Variants in ROBO1 observed in about 807,000 individuals in gnomAD.
ROBO1 encodes the protein roundabout guidance receptor 1, also known as roundabout homolog 1.
In ROBO1, 149 loss-of-function variants were observed where a neutral mutation model predicts 195.9. The ratio of observed to expected loss-of-function variants is 0.76; its 90% CI spans 0.67 to 0.87. The LOEUF is 0.87. Ranked by LOEUF, ROBO1 falls within the 40% of genes least tolerant of loss-of-function variation. The pLI is 0.00. For missense variants in ROBO1, 1,933 were observed against 2,068.3 expected, an observed-to-expected ratio of 0.93 and a Z score of 1.27; for synonymous variants, 816 against 733.2, an observed-to-expected ratio of 1.11 and a Z score of -1.82.
At chr3:79,109,353 T>G (rs1576683601) in intron 3 of ROBO1, among the ~76,000 whole-genome samples, 1 of 152,132 alleles carries the variant, frequency 6.6e-6, no homozygotes, top group Middle Eastern at 3.4e-3. Flanking sequence ...AAAACTCTTT[T>G]ATCTCAAGTT....
chr3:79,186,866 T>G (rs942581545), intron 2 of ROBO1, among the ~76,000 whole-genome samples: 38 of 152,098 alleles, frequency 2.5e-4, no homozygotes, highest in Admixed American at 2.2e-3. Context: ...AATGTTGAGA[T>G]TTCCTCGGAC....
intron 1 of ROBO1, among the ~76,000 whole-genome samples, chr3:79,690,184 A>T (rs1947258751): frequency 6.6e-6 from 1 of 151,970 alleles, no homozygotes; most frequent in African/African-American, 2.4e-5. Context: ...AGAACCTTGT[A>T]AATATACTAC....
chr3:79,475,746 C>G (rs943485153), intron 2 of ROBO1, among the ~76,000 whole-genome samples: 1 of 152,100 alleles, frequency 6.6e-6, no homozygotes, highest in African/African-American at 2.4e-5. Context: ...CTAGTTTGAA[C>G]AGAAAGTTTT....
chr3:79,546,705 G>A (rs1253459743), intron 2 of ROBO1, among the ~76,000 whole-genome samples: 2 of 152,194 alleles, frequency 1.3e-5, no homozygotes, highest in African/African-American at 2.4e-5. Flanking sequence ...GCACATTGCT[G>A]TAACTGGTTA....
chr3:79,270,179 TTCTCTCTCTC>T (rs138141200), intron 2 of ROBO1, among the ~76,000 whole-genome samples: 226 of 140,778 alleles, frequency 1.6e-3, no homozygotes, highest in African/African-American at 4.1e-3. Context: ...ATACATAATG[TTCTCTCTCTC>T]TCTCTCTCTC....
At chr3:79,192,704 A>G (rs1343016348) in intron 2 of ROBO1, among the ~76,000 whole-genome samples, 3 of 151,622 alleles carry the variant, frequency 2.0e-5, no homozygotes, top group African/African-American at 7.3e-5. Context: ...GAATGACAAG[A>G]CGAGGTAGAA....
intron 4 of ROBO1, among the ~76,000 whole-genome samples, chr3:78,777,094 A>G (rs953154628): frequency 2.6e-5 from 4 of 152,208 alleles, no homozygotes; most frequent in Non-Finnish European, 4.4e-5. Context: ...GACCCCCAAG[A>G]GATTGACTAT....
intron 1 of ROBO1, among the ~76,000 whole-genome samples, chr3:79,715,679 C>T (rs549185767): frequency 5.2e-4 from 79 of 152,094 alleles, no homozygotes; most frequent in African/African-American, 1.8e-3. Flanking sequence ...TGTCTGTTTG[C>T]AGTGTTGAAA....
intron 2 of ROBO1, among the ~76,000 whole-genome samples, chr3:79,400,683 G>A (rs989325798): frequency 1.3e-5 from 2 of 151,936 alleles, no homozygotes; most frequent in Non-Finnish European, 2.9e-5. Flanking sequence ...TCTAAATAAT[G>A]CATGTCCTAA....
intron 1 of ROBO1, among the ~76,000 whole-genome samples, chr3:79,679,621 G>A (rs926981939): frequency 1.3e-5 from 2 of 151,986 alleles, no homozygotes; most frequent in South Asian, 4.1e-4. Flanking sequence ...TATTCAATCA[G>A]ATAGTGTTTA....
At chr3:79,164,597 C>T (rs1480786886) in intron 2 of ROBO1, among the ~76,000 whole-genome samples, 1 of 152,116 alleles carries the variant, frequency 6.6e-6, no homozygotes, top group Non-Finnish European at 1.5e-5. Flanking sequence ...CCTTAGTATT[C>T]TTTTAAAATA....
At chr3:79,050,175 G>T (rs1307151003) in intron 3 of ROBO1, among the ~76,000 whole-genome samples, 1 of 152,094 alleles carries the variant, frequency 6.6e-6, no homozygotes, top group African/African-American at 2.4e-5. Flanking sequence ...ACACACATAG[G>T]CTCAAAATAA....
intron 19 of ROBO1, among the ~76,000 whole-genome samples, chr3:78,648,464 C>T (rs1706438584): frequency 6.6e-6 from 1 of 152,020 alleles, no homozygotes. Context: ...AAAACCTTCA[C>T]TCTCTCTGCA....
At chr3:79,199,267 C>T (rs1252453835) in intron 2 of ROBO1, among the ~76,000 whole-genome samples, 1 of 151,778 alleles carries the variant, frequency 6.6e-6, no homozygotes, top group Non-Finnish European at 1.5e-5. Context: ...GATATTACAA[C>T]ATGCTCAAAT....
intron 4 of ROBO1, among the ~76,000 whole-genome samples, chr3:78,893,078 G>A (rs1341103314): frequency 6.6e-6 from 1 of 152,122 alleles, no homozygotes; most frequent in Non-Finnish European, 1.5e-5. Context: ...AGCGTACTAG[G>A]AGATTTGTTC....
chr3:78,978,259 G>A (rs1484615142), intron 3 of ROBO1, among the ~76,000 whole-genome samples: 10 of 151,948 alleles, frequency 6.6e-5, no homozygotes, highest in Non-Finnish European at 1.5e-4. Context: ...GTAGTGGGGG[G>A]ATGGAGAAAT....
intron 4 of ROBO1, among the ~76,000 whole-genome samples, chr3:78,775,489 G>T (rs1448911204): frequency 6.6e-6 from 1 of 152,058 alleles, no homozygotes; most frequent in Non-Finnish European, 1.5e-5. Context: ...TGCACTAAAG[G>T]ATTGCAGTTA....
At chr3:79,560,262 T>G (rs1401229825) in intron 2 of ROBO1, among the ~76,000 whole-genome samples, 1 of 150,448 alleles carries the variant, frequency 6.6e-6, no homozygotes, top group Non-Finnish European at 1.5e-5. Flanking sequence ...AAATCATCAT[T>G]CTCAGTAAAC....
chr3:79,122,639 T>C lies in ROBO1; in HGVS notation c.172+2817A>G, dbSNP rs567137962. On this transcript the variant is annotated intron_variant, in intron 3 of 30. Transcript: ENST00000464233. ...ATGAGATCCATGCACTCTCGTTAAA[T>C]GGGTCAGTTTGATAGTGATGCTCCC... is the stretch of plus-strand genomic sequence containing the variant. Among the ~76,000 whole-genome samples the C allele has an allele frequency of 1.6e-3, 244 of 152,138 alleles. 2 individuals carry two copies. The highest frequency in any genetic ancestry group is 5.3e-3 in the African/African-American group (222 of 41,574).
Sources: allele counts gnomAD v4.1 joint callset (sites outside exome capture counted in the v4.1 genomes callset), GRCh38; gene constraint gnomAD v4.1.1; transcripts MANE v1.5; gene names NCBI Gene and HGNC (gene_info 2026-07-23, HGNC 2026-07-21).